Variants in CPNE4 observed in about 807,000 individuals in gnomAD.
The protein encoded by CPNE4 is copine-4.
A neutral mutation model predicts 67.9 loss-of-function variants in CPNE4; 25 were observed. That is an observed-to-expected ratio of 0.37 (90% confidence interval 0.27 to 0.51). The LOEUF (loss-of-function observed/expected upper bound fraction) is 0.51, where lower values mean the gene tolerates loss of function less well. Among genes scored for constraint, CPNE4 ranks in the 20% least tolerant of loss-of-function variants. The probability of loss-of-function intolerance (pLI) is 0.93; values close to 1 mark genes in which losing one functional copy is unlikely to be tolerated. For missense variants in CPNE4, 464 were observed against 690.8 expected (o/e 0.67, Z 3.68); for synonymous variants, 242 against 244.9 (o/e 0.99, Z 0.11).
chr3:131,962,231 T>C (rs1168510759), intron 1 of CPNE4, among the ~76,000 whole-genome samples: 2 of 152,226 alleles, frequency 1.3e-5, no homozygotes, highest in Non-Finnish European at 2.9e-5. Context: ...ATTTCCTCGA[T>C]GCCTAACAAG....
At chr3:131,776,162 A>G (rs1433709055) in intron 2 of CPNE4, among the ~76,000 whole-genome samples, 1 of 152,088 alleles carries the variant, frequency 6.6e-6, no homozygotes, top group Non-Finnish European at 1.5e-5. Flanking sequence ...ACTTCTCACG[A>G]GTTTTCCAGT....
chr3:131,900,887 A>G (rs1452712324), intron 2 of CPNE4, among the ~76,000 whole-genome samples: 1 of 152,144 alleles, frequency 6.6e-6, no homozygotes, highest in South Asian at 2.1e-4. Flanking sequence ...ATGCTTCCAT[A>G]TGGAATTGAT....
chr3:131,698,552 T>G (rs2081215011), intron 4 of CPNE4, among the ~76,000 whole-genome samples: 1 of 151,530 alleles, frequency 6.6e-6, no homozygotes, highest in South Asian at 2.1e-4. Flanking sequence ...TCAGGTAAGT[T>G]CTTGTGAGAA....
upstream of CPNE4, chr3:132,037,498 G>A (rs996299812): frequency 4.6e-5 from 62 of 1,354,472 alleles, no homozygotes; most frequent in South Asian, 1.9e-4. Context: ...CAAGTTGCCC[G>A]CCAGCCACAG....
At chr3:131,862,606 T>C (rs1197224672) in intron 2 of CPNE4, among the ~76,000 whole-genome samples, 1 of 152,062 alleles carries the variant, frequency 6.6e-6, no homozygotes, top group African/African-American at 2.4e-5. Context: ...TAATGCCATG[T>C]ACTATCTGGC....
chr3:131,612,486 A>G (rs1387274413), intron 7 of CPNE4, among the ~76,000 whole-genome samples: 1 of 152,194 alleles, frequency 6.6e-6, no homozygotes, highest in Non-Finnish European at 1.5e-5. Flanking sequence ...TTTTCCCTGA[A>G]GTGAGGAGGC....
intron 2 of CPNE4, among the ~76,000 whole-genome samples, chr3:131,834,503 C>A (rs1163921923): frequency 1.3e-5 from 2 of 151,950 alleles, no homozygotes; most frequent in East Asian, 3.9e-4. Context: ...AAAGCGTATT[C>A]ATTCAGTAAT....
At chr3:131,613,192 G>A (rs16837236) in intron 7 of CPNE4, among the ~76,000 whole-genome samples, 23,516 of 152,086 alleles carry the variant, frequency 0.15, 2,262 homozygotes, top group African/African-American at 0.27. Context: ...GCAATTCCAG[G>A]TTCTATAGTT....
intron 13 of CPNE4, among the ~76,000 whole-genome samples, chr3:131,551,909 A>G (rs1936195156): frequency 6.6e-6 from 1 of 152,114 alleles, no homozygotes; most frequent in Non-Finnish European, 1.5e-5. Context: ...ACAATGGAAC[A>G]TGAACCAGAA....
intron 7 of CPNE4, among the ~76,000 whole-genome samples, chr3:131,657,763 G>A (rs543207053): frequency 2.3e-4 from 35 of 150,382 alleles, no homozygotes; most frequent in African/African-American, 8.1e-4. Context: ...ACGGGGTTTC[G>A]CCATGTTGGC....
intron 2 of CPNE4, among the ~76,000 whole-genome samples, chr3:131,896,048 A>C (rs2088317694): frequency 6.6e-6 from 1 of 151,988 alleles, no homozygotes; most frequent in Non-Finnish European, 1.5e-5. Context: ...AGGAAAAAAA[A>C]AAATCTCAAA....
chr3:131,718,951 A>G (rs911114462), intron 3 of CPNE4, among the ~76,000 whole-genome samples: 4 of 152,238 alleles, frequency 2.6e-5, no homozygotes, highest in Non-Finnish European at 4.4e-5. Context: ...CCTTGAGCCA[A>G]TCACTGTGGC....
At chr3:131,921,738 TA>T (rs900501788) in intron 1 of CPNE4, among the ~76,000 whole-genome samples, 4 of 152,160 alleles carry the variant, frequency 2.6e-5, no homozygotes, top group Non-Finnish European at 5.9e-5. Flanking sequence ...GAGTAAGTGC[TA>T]AACAATCATT....
At chr3:131,632,029 A>C (rs2079238943) in intron 7 of CPNE4, among the ~76,000 whole-genome samples, 1 of 150,498 alleles carries the variant, frequency 6.6e-6, no homozygotes, top group African/African-American at 2.4e-5. Flanking sequence ...GCTTGAGCCC[A>C]AGAGGCAGAG....
intron 2 of CPNE4, among the ~76,000 whole-genome samples, chr3:131,762,032 C>A (rs538104772): frequency 6.6e-6 from 1 of 151,974 alleles, no homozygotes; most frequent in Admixed American, 6.6e-5. Flanking sequence ...AAATAGTGAC[C>A]CACCATGATG....
chr3:131,586,771 T>C (rs983961507), intron 8 of CPNE4, among the ~76,000 whole-genome samples: 1 of 150,874 alleles, frequency 6.6e-6, no homozygotes, highest in African/African-American at 2.5e-5. Flanking sequence ...TGTCTGTCTG[T>C]CTAGATATTA....
intron 1 of CPNE4, among the ~76,000 whole-genome samples, chr3:131,960,460 G>A (rs1225068): frequency 0.66 from 100,112 of 151,928 alleles, 33,475 homozygotes; most frequent in East Asian, 0.8. Context: ...AGCTTGCAAC[G>A]CATTCAGCAT....
chr3:131,665,186 C>CTTTT (rs2080227288), intron 7 of CPNE4, among the ~76,000 whole-genome samples: 1 of 151,416 alleles, frequency 6.6e-6, no homozygotes, highest in African/African-American at 2.4e-5. Context: ...CATAGCAAGA[C>CTTTT]TCTGTCTCTA....
At chr3:131,721,738 T>G (rs1254963145) in intron 3 of CPNE4, among the ~76,000 whole-genome samples, 1 of 152,152 alleles carries the variant, frequency 6.6e-6, no homozygotes, top group Non-Finnish European at 1.5e-5. Context: ...AATTTATGCA[T>G]AGGAGGGATG....
Sources: gnomAD v4.1 joint callset for allele counts (sites outside exome capture counted in the v4.1 genomes callset) on GRCh38, gnomAD v4.1.1 for gene constraint, MANE v1.5 for transcripts, NCBI Gene and HGNC (gene_info 2026-07-23, HGNC 2026-07-21) for gene names.